The following SEC11A variants were observed in gnomAD, a reference collection of about 807,000 sequenced individuals.
SEC11A encodes SEC11 homolog A, signal peptidase complex subunit, also known as signal peptidase complex catalytic subunit SEC11A.
A neutral mutation model predicts 25.6 loss-of-function variants in SEC11A; 14 were observed. The ratio of observed to expected loss-of-function variants is 0.55; its 90% confidence interval spans 0.36 to 0.85. The LOEUF (loss-of-function observed/expected upper bound fraction) is 0.85, where lower values mean the gene tolerates loss of function less well. Ranked by LOEUF, SEC11A falls within the 40% of genes least tolerant of loss-of-function variation. The probability of loss-of-function intolerance (pLI) is 0.01; values close to 1 mark genes in which losing one functional copy is unlikely to be tolerated. For synonymous variants in SEC11A, 83 were observed against 76.4 expected (o/e 1.09, Z -0.45); for missense variants, 153 against 222.9 (o/e 0.69, Z 2.00).
intron 2 of SEC11A, among the ~76,000 whole-genome samples, 170 bp downstream of exon 2, chr15:84,691,365 T>C (rs896281348): frequency 6.6e-6 from 1 of 152,198 alleles, no homozygotes; most frequent in Non-Finnish European, 1.5e-5. Flanking sequence ...TAAGCCACCG[T>C]GCCCAGCCTG....
At chr15:84,678,972 G>A (rs1897213300) in intron 4 of SEC11A, among the ~76,000 whole-genome samples, 1 of 151,090 alleles carries the variant, frequency 6.6e-6, no homozygotes, top group African/African-American at 2.4e-5. Flanking sequence ...TCTAGCCTGG[G>A]TGACAGAGCA....
chr15:84,680,628 C>A, intron 4 of SEC11A, 85 bp downstream of exon 4: 1 of 1,318,212 alleles, frequency 7.6e-7, no homozygotes, highest in South Asian at 2.1e-5. Flanking sequence ...TCTCTATATT[C>A]AACTGTGTAT....
Position 84,713,756 on chromosome 15 carries a change from C to A in SEC11A, c.51+2269G>T, listed in dbSNP as rs59871522. The stretch of plus-strand genomic sequence containing the variant: ...TATATCTCTATGCTTTAGAGCCTAT[C>A]TAGCAGGTTTGCAAGTGCTGAGTGA... On this transcript the variant is annotated intron_variant, in intron 1 of 5. Coordinates refer to ENST00000268220, the MANE Select transcript of SEC11A (RefSeq NM_014300.4). Among the ~76,000 whole-genome samples the A allele has an allele frequency of 9.2e-3, 1,408 of 152,296 alleles. 23 individuals carry two copies. The highest frequency in any genetic ancestry group is 0.032 in the African/African-American group (1,350 of 41,566).
At chr15:84,674,555 T>A (rs1897085141) in intron 4 of SEC11A, among the ~76,000 whole-genome samples, 2 of 150,038 alleles carry the variant, frequency 1.3e-5, no homozygotes, top group South Asian at 4.2e-4. Context: ...CCATGGAATT[T>A]AAAAAAAAAA....
In SEC11A at chr15:84,669,977, C is replaced by T. The variant is rs749473421; in HGVS notation, c.*42G>A. ...AGTATCTACTCCAAACATCCAGTAA[C>T]GAAAACTATGGCATCTTCCCAGGAA... On this transcript the variant is annotated 3_prime_UTR_variant, in exon 6 of 6. Coordinates refer to ENST00000268220, the MANE Select transcript of SEC11A (RefSeq NM_014300.4). 2.5e-6 allele frequency: 4 copies of T among 1,612,920 alleles called. No homozygotes were observed. The highest frequency in any genetic ancestry group is 3.4e-6 in the Non-Finnish European group (4 of 1,179,518).
At chr15:84,673,735 C>G (rs1388573126) in intron 4 of SEC11A, 1 of 152,026 alleles carries the variant, frequency 6.6e-6, no homozygotes, top group Non-Finnish European at 1.5e-5. Context: ...ATGGTGAAAC[C>G]CTGTCACTAC....
intron 1 of SEC11A, among the ~76,000 whole-genome samples, chr15:84,693,337 G>A (rs1897665152): frequency 6.7e-6 from 1 of 149,050 alleles, no homozygotes; most frequent in Non-Finnish European, 1.5e-5. Flanking sequence ...ACTTTGGCTG[G>A]ATCTTGGTTC....
rs373578048 is a variant in SEC11A at position 84,701,347 on chromosome 15, T to A, written c.52-9703A>T. ...AATAATTTTTTTTTTGAGATGGAGT[T>A]TTGCTCTTGTTGCCTAGGGTGGAGT... On this transcript the variant is annotated intron_variant, in intron 1 of 5. Transcript: ENST00000268220. 1.5e-4 allele frequency among the ~76,000 whole-genome samples: 22 copies of A among 151,430 alleles called. No individual in the cohort carries two copies. In the East Asian group the frequency reaches 2.6e-3, roughly 18 times the overall value.
At chr15:84,704,418 T>C (rs538230669) in intron 1 of SEC11A, among the ~76,000 whole-genome samples, 4 of 152,314 alleles carry the variant, frequency 2.6e-5, no homozygotes, top group East Asian at 1.9e-4. Context: ...TTTCGATTTA[T>C]TGTCTCTCAA....
chr15:84,698,942 T>C (rs1897843205), intron 1 of SEC11A, among the ~76,000 whole-genome samples: 1 of 152,214 alleles, frequency 6.6e-6, no homozygotes. Flanking sequence ...TAAATCGTAG[T>C]ATTTCCACAA....
chr15:84,694,481 T>C (rs1024133019), intron 1 of SEC11A, among the ~76,000 whole-genome samples: 1 of 152,212 alleles, frequency 6.6e-6, no homozygotes, highest in Non-Finnish European at 1.5e-5. Flanking sequence ...CAATTGTTAT[T>C]TTTAATCAAA....
At chr15:84,715,314 C>T (rs1008376619) in intron 1 of SEC11A, among the ~76,000 whole-genome samples, 1 of 152,126 alleles carries the variant, frequency 6.6e-6, no homozygotes, top group African/African-American at 2.4e-5. Flanking sequence ...ATAATTACAA[C>T]AATATTCTCA....
At chr15:84,674,972 G>A (rs1027807437) in intron 4 of SEC11A, among the ~76,000 whole-genome samples, 4 of 152,076 alleles carry the variant, frequency 2.6e-5, no homozygotes, top group African/African-American at 9.7e-5. Flanking sequence ...ATATGACGAG[G>A]CAGTTCAAAG....
At chr15:84,688,137 T>G (rs1897484943) in intron 2 of SEC11A, among the ~76,000 whole-genome samples, 1 of 152,212 alleles carries the variant, frequency 6.6e-6, no homozygotes, top group Non-Finnish European at 1.5e-5. Context: ...TCTCACTTCA[T>G]CTGAAAACAC....
intron 2 of SEC11A, among the ~76,000 whole-genome samples, chr15:84,689,183 A>G (rs1897525102): frequency 6.7e-6 from 1 of 149,520 alleles, no homozygotes; most frequent in African/African-American, 2.4e-5. Context: ...CAGTCTCTGT[A>G]AAAAAAAAAT....
chr15:84,692,733 C>G (rs1897647624), intron 1 of SEC11A, among the ~76,000 whole-genome samples: 1 of 152,128 alleles, frequency 6.6e-6, no homozygotes, highest in Non-Finnish European at 1.5e-5. Context: ...AAGGAAAAAG[C>G]TGGTACTGGA....
intron 1 of SEC11A, among the ~76,000 whole-genome samples, chr15:84,701,213 T>G (rs867934966): frequency 1.3e-5 from 2 of 149,974 alleles, no homozygotes; most frequent in African/African-American, 4.9e-5. Flanking sequence ...CATGCACTTA[T>G]AGTCCCAGCT....
At chr15:84,704,042 C>T (rs1176134194) in intron 1 of SEC11A, among the ~76,000 whole-genome samples, 1 of 152,122 alleles carries the variant, frequency 6.6e-6, no homozygotes, top group African/African-American at 2.4e-5. Flanking sequence ...AGGTTCTAGC[C>T]AACACTGAGT....
intron 1 of SEC11A, among the ~76,000 whole-genome samples, chr15:84,697,486 T>TGTTCCTTAAGGAACTGGTAG (rs1897802344): frequency 6.6e-6 from 1 of 152,218 alleles, no homozygotes; most frequent in South Asian, 2.1e-4. Context: ...ATAACTGGTA[T>TGTTCCTTAAGGAACTGGTAG]GTTCCTTAAA....
Sources: gnomAD v4.1 joint callset for allele counts (sites outside exome capture counted in the v4.1 genomes callset) on GRCh38, gnomAD v4.1.1 for gene constraint, MANE v1.5 for transcripts, NCBI Gene and HGNC (gene_info 2026-07-23, HGNC 2026-07-21) for gene names.